Variants in SYNE2 observed in about 807,000 individuals in gnomAD.
SYNE2 encodes spectrin repeat containing nuclear envelope protein 2.
In SYNE2, 431 loss-of-function variants were observed where a neutral mutation model predicts 856.3. That is an observed-to-expected ratio of 0.50 (90% confidence interval 0.47 to 0.55). The LOEUF (loss-of-function observed/expected upper bound fraction) is 0.55. SYNE2 is among the 20% of genes least tolerant of loss of function. SYNE2 has a pLI of 0.00. For missense variants in SYNE2, 8,129 were observed against 8,023.2 expected (o/e 1.01, Z -0.50); for synonymous variants, 2,923 against 2,872.3 (o/e 1.02, Z -0.56).
intron 1 of SYNE2, among the ~76,000 whole-genome samples, chr14:63,908,256 T>C (rs2095432097): frequency 6.6e-6 from 1 of 152,212 alleles, no homozygotes; most frequent in African/African-American, 2.4e-5. Context: ...ATTCTAACAT[T>C]AATATTTTGC....
At chr14:63,786,803 A>C (rs534831682) in intron 1 of SYNE2, among the ~76,000 whole-genome samples, 16 of 152,174 alleles carry the variant, frequency 1.1e-4, no homozygotes, top group Admixed American at 1.0e-3. Flanking sequence ...TCGCTCTGTT[A>C]CCCAGGCTGG....
intron 28 of SYNE2, 120 bp from the exon 29 acceptor site, chr14:64,001,814 T>A (rs2096757188): frequency 9.1e-7 from 1 of 1,103,718 alleles, no homozygotes; most frequent in Admixed American, 1.7e-5. Flanking sequence ...GTATATATCA[T>A]TGTATGTCTG....
At chr14:64,179,579 TTG>T (rs2098449042) in intron 96 of SYNE2, among the ~76,000 whole-genome samples, 1 of 152,220 alleles carries the variant, frequency 6.6e-6, no homozygotes, top group African/African-American at 2.4e-5. Context: ...TCACTTGGTA[TTG>T]TCAGATTTTT....
In SYNE2 at chr14:64,051,785, A is replaced by C. The variant is rs140325055; in HGVS notation, c.7872A>C (p.Glu2624Asp). The change falls in exon 48 of 116, where the codon GAA becomes GAC. Residue 2624 changes from glutamate (E) to aspartate (D), a missense_variant. Transcript: ENST00000555002. ...AGAAGTATTCTCAGCAGGTAGTGGAATATGATGAATTTACAACCCTCATGA... is the reference window on the plus strand; with the variant it reads ...AGAAGTATTCTCAGCAGGTAGTGGACTATGATGAATTTACAACCCTCATGA... The part of the protein sequence containing the change: ...IQKKYSQQVV[E>D]YDEFTTLMNK... 3.8e-4 allele frequency: 607 copies of C among 1,614,226 alleles called. 2 individuals are homozygous for C. The African/African-American group carries it at 6.9e-3, about 18-fold the overall frequency.
At chr14:63,875,565 G>A (rs907036875) in intron 1 of SYNE2, among the ~76,000 whole-genome samples, 1 of 151,898 alleles carries the variant, frequency 6.6e-6, no homozygotes, top group African/African-American at 2.4e-5. Context: ...TGTTGCCTGC[G>A]TTTGTGGAAA....
At chr14:63,946,515 A>ATATATATATATG (rs1039396039) in intron 6 of SYNE2, among the ~76,000 whole-genome samples, 1 of 17,710 alleles carries the variant, frequency 5.6e-5, no homozygotes, top group Non-Finnish European at 1.6e-4. Flanking sequence ...ATATATATGT[A>ATATATATATATG]TATATATGAT....
chr14:64,128,417 A>G (rs2097972663), intron 73 of SYNE2, 35 bp from the exon 74 acceptor site: 1 of 1,166,310 alleles, frequency 8.6e-7, no homozygotes, highest in Non-Finnish European at 1.3e-6. Context: ...GAAGGCCTAA[A>G]TGAGATTGCT....
chr14:64,016,570 A>C lies in SYNE2; in HGVS notation c.4826A>C (p.Lys1609Thr). The change falls in exon 33 of 116, where the codon AAA becomes ACA. Residue 1609 changes from lysine (K) to threonine (T), a missense_variant. Transcript: ENST00000555002. ...CTACAATTTTATCTAAATAAAATGA[A>C]AACTTTTGAAGAGCCCCCTTTTGAA... Reference protein sequence around the residue: ...KNLQFYLNKMKTFEEPPFEKE... With the variant: ...KNLQFYLNKMTTFEEPPFEKE... 1 of 1,603,744 alleles carries C rather than the reference A, an allele frequency of 6.2e-7. No homozygotes were observed. The highest frequency in any genetic ancestry group is 1.7e-5 in the Admixed American group (1 of 59,592).
chr14:64,189,493 T>G (rs981066186), intron 98 of SYNE2, among the ~76,000 whole-genome samples: 2 of 152,172 alleles, frequency 1.3e-5, no homozygotes, highest in African/African-American at 4.8e-5. Flanking sequence ...AAACTGTAAC[T>G]GATAGCAGCC....
chr14:64,070,191 A>G (rs1363982401), intron 51 of SYNE2, among the ~76,000 whole-genome samples: 3 of 152,188 alleles, frequency 2.0e-5, no homozygotes, highest in African/African-American at 7.2e-5. Context: ...TGTCAGGGTA[A>G]TGAGAACCTG....
At chr14:64,206,716 T>G (rs947656817) in intron 100 of SYNE2, among the ~76,000 whole-genome samples, 7 of 152,178 alleles carry the variant, frequency 4.6e-5, no homozygotes, top group Non-Finnish European at 7.3e-5. Flanking sequence ...GCAGAGTTTA[T>G]TAAAATACAG....
chr14:63,766,167 C>T (rs1886677328), intron 1 of SYNE2, among the ~76,000 whole-genome samples: 1 of 151,666 alleles, frequency 6.6e-6, no homozygotes, highest in Non-Finnish European at 1.5e-5. Flanking sequence ...CAACCTCCGC[C>T]TCCTGGGCTC....
chr14:63,969,711 T>C (rs2096450104), intron 11 of SYNE2, among the ~76,000 whole-genome samples: 1 of 152,172 alleles, frequency 6.6e-6, no homozygotes, highest in Non-Finnish European at 1.5e-5. Flanking sequence ...CATTCATCTG[T>C]TGATGGGCGA....
intron 13 of SYNE2, 83 bp from the exon 14 acceptor site, chr14:63,978,769 A>T: frequency 2.5e-6 from 3 of 1,209,108 alleles, no homozygotes; most frequent in Non-Finnish European, 3.6e-6. Context: ...TTAAAGCCTC[A>T]ATATTTTTTA....
chr14:64,191,416 C>A (rs964746078), intron 99 of SYNE2, among the ~76,000 whole-genome samples: 2 of 152,018 alleles, frequency 1.3e-5, no homozygotes, highest in Non-Finnish European at 2.9e-5. Context: ...TTAGGAAGAG[C>A]CTTACAGAGG....
At chr14:64,019,935 A>T in intron 34 of SYNE2, 57 bp from the exon 35 acceptor site, 2 of 1,125,650 alleles carry the variant, frequency 1.8e-6, no homozygotes, top group Non-Finnish European at 2.7e-6. Context: ...AATTATGGGT[A>T]TCAGAAAATA....
intron 2 of SYNE2, among the ~76,000 whole-genome samples, chr14:63,927,032 G>A (rs1265249776): frequency 6.6e-6 from 1 of 152,234 alleles, no homozygotes; most frequent in African/African-American, 2.4e-5. Flanking sequence ...GGGAGTGGCT[G>A]GAGCCAGGGG....
At chr14:64,182,732 A>T (rs1360960753) in intron 96 of SYNE2, among the ~76,000 whole-genome samples, 1 of 152,232 alleles carries the variant, frequency 6.6e-6, no homozygotes, top group Non-Finnish European at 1.5e-5. Context: ...ACAGCATCCC[A>T]AGGCAGAATT....
At chr14:64,029,780 A>T (rs922998455) in intron 43 of SYNE2, 115 bp from the exon 44 acceptor site, 34 of 1,228,574 alleles carry the variant, frequency 2.8e-5, no homozygotes, top group Non-Finnish European at 3.8e-5. Context: ...TTATAGCCGT[A>T]TTCCTGTTTC....
Sources: gnomAD v4.1 joint callset for allele counts (sites outside exome capture counted in the v4.1 genomes callset) on GRCh38, gnomAD v4.1.1 for gene constraint, MANE v1.5 for transcripts, NCBI Gene and HGNC (gene_info 2026-07-23, HGNC 2026-07-21) for gene names.